NRK: variants seen among roughly 807,000 people sequenced by gnomAD.
NRK encodes nik-related protein kinase.
Under a neutral mutation model 125.2 loss-of-function variants are expected in NRK, and 67 were observed. The ratio of observed to expected loss-of-function variants is 0.54; its 90% confidence interval spans 0.44 to 0.66. NRK has a LOEUF of 0.66. NRK is among the 30% of genes least tolerant of loss of function. The probability of loss-of-function intolerance (pLI) is 0.00; values close to 1 mark genes in which losing one functional copy is unlikely to be tolerated. For missense variants in NRK, 1,224 were observed against 1,192.9 expected, an observed-to-expected ratio of 1.03 and a Z score of -0.38; for synonymous variants, 458 against 429.0, an observed-to-expected ratio of 1.07 and a Z score of -0.84.
At position 105,957,109 on chromosome X, in the gene NRK, T is replaced by C. The variant is rs2040987253; in HGVS notation, c.*1509T>C. On this transcript the variant is annotated 3_prime_UTR_variant, in exon 29 of 29. Transcript: ENST00000243300. ...ATTTGGATTTTCCTAACAACTTACA[T>C]CAAGAATGTAGTGTAGCTCATTATT... The C allele has an allele frequency of 8.9e-6, 1 of 112,186 alleles. No individual in the cohort carries two copies. Among genetic ancestry groups the C allele is most frequent in the African/African-American group, 3.2e-5 (1 of 30,816 alleles). The allele number at this position is 112,186 out of a possible 1,213,427, so 9.2% of individuals were successfully genotyped here.
chrX:105,888,058 A>C (rs992077577), intron 4 of NRK, among the ~76,000 whole-genome samples: 2 of 112,518 alleles, frequency 1.8e-5, no homozygotes, highest in East Asian at 5.6e-4. Flanking sequence ...TCCAGGGACC[A>C]TACCTTAAGA....
At chrX:105,873,805 C>T (rs2147698366) in intron 2 of NRK, among the ~76,000 whole-genome samples, 1 of 111,700 alleles carries the variant, frequency 9.0e-6, no homozygotes, top group South Asian at 3.7e-4. Context: ...TGACATTTTA[C>T]CTCTTCTGTG....
intron 19 of NRK, among the ~76,000 whole-genome samples, chrX:105,925,945 C>CT (rs963371027): frequency 5.4e-5 from 6 of 110,700 alleles, no homozygotes; most frequent in Non-Finnish European, 9.5e-5. Flanking sequence ...CTGATTTCCT[C>CT]TTTTTTTGAG....
intron 2 of NRK, among the ~76,000 whole-genome samples, chrX:105,867,246 A>T (rs1387181160): frequency 1.8e-5 from 2 of 111,570 alleles, no homozygotes; most frequent in Non-Finnish European, 3.8e-5. Context: ...AGTAAATCTC[A>T]AAGCCACATC....
chrX:105,873,727 T>C (rs775982002), intron 2 of NRK, among the ~76,000 whole-genome samples: 10 of 111,313 alleles, frequency 9.0e-5, no homozygotes, highest in Non-Finnish European at 1.9e-4. Flanking sequence ...GCTCATAATG[T>C]CCCATCCACT....
chrX:105,947,251 G>A lies in NRK; in HGVS notation c.4353+787G>A, dbSNP rs1489210657. Among the ~76,000 whole-genome samples, 8 of 56,481 alleles carry A rather than the reference G, an allele frequency of 1.4e-4. 3 individuals are homozygous for A. The highest frequency in any genetic ancestry group is 1.4e-3 in the South Asian group (2 of 1,430). 49.0% of individuals were successfully genotyped at this position (56,481 alleles called of 115,157 possible). ...GAGGTCAGGAGATCGAGACCATCCCGGCTAAAACGGTGAAACCCCGTCTCT... is the reference window on the plus strand; with the variant it reads ...GAGGTCAGGAGATCGAGACCATCCCAGCTAAAACGGTGAAACCCCGTCTCT... On this transcript the variant is annotated intron_variant, in intron 26 of 28. Transcript: ENST00000243300.
intron 19 of NRK, among the ~76,000 whole-genome samples, chrX:105,925,843 A>G (rs2040516911): frequency 9.0e-6 from 1 of 111,084 alleles, no homozygotes; most frequent in African/African-American, 3.3e-5. Flanking sequence ...TTATCAATTC[A>G]TCTCTTGATG....
intron 19 of NRK, among the ~76,000 whole-genome samples, chrX:105,931,083 G>A (rs2040588891): frequency 8.9e-6 from 1 of 112,604 alleles, no homozygotes. Context: ...CAGTGCTGCT[G>A]AGCTGTTTCT....
chrX:105,833,804 C>T (rs1054598837), intron 2 of NRK, among the ~76,000 whole-genome samples: 3 of 111,209 alleles, frequency 2.7e-5, no homozygotes, highest in Non-Finnish European at 5.7e-5. Context: ...TTTCAATGTA[C>T]ATCTTAAACT....
At chrX:105,892,623 G>A (rs1358489058) in intron 5 of NRK, among the ~76,000 whole-genome samples, 1 of 111,535 alleles carries the variant, frequency 9.0e-6, no homozygotes, top group Admixed American at 9.6e-5. Context: ...TTGAAAATGA[G>A]GAGTTACCAC....
chrX:105,881,599 A>G, intron 3 of NRK, 109 bp from the exon 4 acceptor site: 1 of 410,748 alleles, frequency 2.4e-6, no homozygotes. Context: ...AGAGAGGAAT[A>G]ATGTTATCTT....
At chrX:105,837,681 T>C (rs1194580915) in intron 2 of NRK, among the ~76,000 whole-genome samples, 1 of 111,453 alleles carries the variant, frequency 9.0e-6, no homozygotes, top group African/African-American at 3.3e-5. Context: ...AGTACTGGTC[T>C]TCTCTTTTTT....
chrX:105,948,511 G>T, intron 26 of NRK: 1 of 377,318 alleles, frequency 2.7e-6, no homozygotes, highest in South Asian at 6.1e-5. Context: ...AATCATCTGA[G>T]AAGCATCTGA....
At position 105,908,944 on chromosome X, in the gene NRK, G is replaced by T. The variant is rs757061893; in HGVS notation, c.1303G>T (p.Ala435Ser). 8.3e-7 allele frequency: 1 copy of T among 1,210,212 alleles called. No individual in the cohort carries two copies. Among genetic ancestry groups the T allele is most frequent in the African/African-American group, 1.7e-5 (1 of 57,715 alleles). The change falls in exon 13 of 29, where the codon GCA (alanine) becomes TCA (serine). Residue 435 changes from alanine (A) to serine (S), a missense_variant. Physicochemically the swap from Ala to Ser is moderately conservative, Grantham distance 99. Transcript: ENST00000243300. ...TAAGCCTCTAAAGGGGCAGGCTCAGGCACCTCAACGACTACAAGGGGCAGC... is the reference window on the plus strand; with the variant it reads ...TAAGCCTCTAAAGGGGCAGGCTCAGTCACCTCAACGACTACAAGGGGCAGC... ...APKPLKGQAQ[A>S]PQRLQGAARV...
chrX:105,929,018 T>G (rs1210666611), intron 19 of NRK, among the ~76,000 whole-genome samples: 2 of 111,958 alleles, frequency 1.8e-5, no homozygotes, highest in Non-Finnish European at 1.9e-5. Flanking sequence ...TGCTGCAGTT[T>G]AAATCCAATG....
chrX:105,949,805 A>C, intron 27 of NRK, 71 bp downstream of exon 27: 1 of 685,407 alleles, frequency 1.5e-6, no homozygotes, highest in South Asian at 3.2e-5. Context: ...TGTCCTAAGA[A>C]AAGATTTCCT....
chrX:105,847,813 G>A (rs1180922941), intron 2 of NRK, among the ~76,000 whole-genome samples: 1 of 111,825 alleles, frequency 8.9e-6, no homozygotes. Context: ...CACAGTGGGA[G>A]CATGTGCTTT....
intron 25 of NRK, 52 bp downstream of exon 25, chrX:105,946,067 T>A (rs2040808887): frequency 3.6e-6 from 4 of 1,098,252 alleles, no homozygotes; most frequent in African/African-American, 1.8e-5. Context: ...AAGGCTCTTA[T>A]GATCATTGCC....
chrX:105,889,985 G>C (rs2039997023), intron 5 of NRK, among the ~76,000 whole-genome samples: 1 of 112,143 alleles, frequency 8.9e-6, no homozygotes, highest in African/African-American at 3.2e-5. Context: ...TCTGCATTTG[G>C]CTTGAATTTC....
Sources: gnomAD v4.1 joint callset for allele counts (sites outside exome capture counted in the v4.1 genomes callset) on GRCh38, gnomAD v4.1.1 for gene constraint, MANE v1.5 for transcripts, NCBI Gene and HGNC (gene_info 2026-07-23, HGNC 2026-07-21) for gene names.